ZNF532: variants seen among roughly 807,000 people sequenced by gnomAD.
The protein encoded by ZNF532 is zinc finger protein 532.
A neutral mutation model predicts 89.3 loss-of-function variants in ZNF532; 22 were observed. The observed-to-expected ratio is 0.25, with a 90% CI of 0.18 to 0.35. The LOEUF is 0.35. Ranked by LOEUF, ZNF532 falls within the 10% of genes least tolerant of loss-of-function variation. ZNF532 has a pLI of 1.00. For synonymous variants in ZNF532, 606 were observed against 649.6 expected, an observed-to-expected ratio of 0.93 and a Z score of 1.02; for missense variants, 1,132 against 1,643.4, an observed-to-expected ratio of 0.69 and a Z score of 5.38.
chr18:58,888,761 A>AAT (rs1224613042), intron 2 of ZNF532, among the ~76,000 whole-genome samples: 1 of 9,438 alleles, frequency 1.1e-4, no homozygotes, highest in Non-Finnish European at 3.4e-4. Flanking sequence ...ATATAAAATT[A>AAT]ATATATATAA....
intron 6 of ZNF532, among the ~76,000 whole-genome samples, chr18:58,951,647 T>TGTTTTTTTTTGG (rs1555746490): frequency 3.2e-4 from 9 of 27,736 alleles, no homozygotes; most frequent in African/African-American, 1.0e-3. Context: ...CGCCCTGTTG[T>TGTTTTTTTTTGG]TTTTTTTTTT....
intron 7 of ZNF532, among the ~76,000 whole-genome samples, chr18:58,975,379 G>A (rs948602940): frequency 6.6e-6 from 1 of 152,202 alleles, no homozygotes; most frequent in African/African-American, 2.4e-5. Context: ...ATCTGGGTAT[G>A]AAGTTATGAC....
chr18:58,901,118 G>T (rs1159464425), intron 2 of ZNF532, among the ~76,000 whole-genome samples: 1 of 152,070 alleles, frequency 6.6e-6, no homozygotes, highest in Non-Finnish European at 1.5e-5. Flanking sequence ...GCCGAGATGG[G>T]ACCTTTCCTC....
chr18:58,985,033 T>C lies in ZNF532; in HGVS notation c.*567T>C, dbSNP rs1450897535. 1 of 153,794 alleles carries C rather than the reference T, an allele frequency of 6.5e-6. No individual in the cohort carries two copies. Among genetic ancestry groups the C allele is most frequent in the Admixed American group, 6.4e-5 (1 of 15,638 alleles). 9.5% of individuals were successfully genotyped at this position (153,794 alleles called of 1,614,324 possible). ...CACATTTGAGACAACTGCACTCCAGTGTGGACGTGCCTTTGTCTTCAGGCC... is the reference window on the plus strand; with the variant it reads ...CACATTTGAGACAACTGCACTCCAGCGTGGACGTGCCTTTGTCTTCAGGCC... On this transcript the variant is annotated 3_prime_UTR_variant, in exon 10 of 10. Coordinates refer to ENST00000591808, the MANE Select transcript of ZNF532 (RefSeq NM_001375912.1).
chr18:58,889,437 G>A (rs1355729285), intron 2 of ZNF532, among the ~76,000 whole-genome samples: 3 of 152,194 alleles, frequency 2.0e-5, no homozygotes, highest in Non-Finnish European at 4.4e-5. Flanking sequence ...TAAGAAAACA[G>A]CACTTATATT....
Position 58,941,006 on chromosome 18 carries a change from A to T in ZNF532, c.2705+1385A>T, listed in dbSNP as rs117871910. Among the ~76,000 whole-genome samples the T allele has an allele frequency of 8.9e-5, 13 of 146,272 alleles. No individual in the cohort carries two copies. In the East Asian group the frequency reaches 2.4e-3, roughly 27 times the overall value. ...CTCTCTCTCTCCTGGCTTTTGTTGA[A>T]ACATTTAGTTTTGGGGAAATGTGAT... is the stretch of plus-strand genomic sequence containing the variant. On this transcript the variant is annotated intron_variant, in intron 5 of 9. Coordinates refer to ENST00000591808, the MANE Select transcript of ZNF532 (RefSeq NM_001375912.1).
chr18:58,937,385 T>C (rs966934970), intron 4 of ZNF532, among the ~76,000 whole-genome samples: 3 of 152,238 alleles, frequency 2.0e-5, no homozygotes, highest in Non-Finnish European at 4.4e-5. Context: ...TACCCTGCTT[T>C]CGTTTCTTAC....
intron 3 of ZNF532, among the ~76,000 whole-genome samples, chr18:58,926,037 C>T (rs909141390): frequency 1.3e-5 from 2 of 152,128 alleles, no homozygotes; most frequent in African/African-American, 4.8e-5. Context: ...ATTTATTTTT[C>T]TTTTCCAAAA....
intron 2 of ZNF532, among the ~76,000 whole-genome samples, chr18:58,891,361 C>G (rs1480009835): frequency 6.6e-6 from 1 of 152,162 alleles, no homozygotes; most frequent in Non-Finnish European, 1.5e-5. Context: ...GAAACCCTAT[C>G]TCTACTAAAA....
chr18:58,878,599 T>C (rs1568222418), intron 2 of ZNF532, among the ~76,000 whole-genome samples: 1 of 152,024 alleles, frequency 6.6e-6, no homozygotes. Flanking sequence ...TCACGTGGAG[T>C]GGTGACTAAG....
intron 2 of ZNF532, among the ~76,000 whole-genome samples, chr18:58,916,251 G>A (rs2060592251): frequency 6.6e-6 from 1 of 152,196 alleles, no homozygotes; most frequent in South Asian, 2.1e-4. Flanking sequence ...GGGATTATTT[G>A]TAAGTGGGTG....
chr18:58,891,079 T>C (rs2058863785), intron 2 of ZNF532, among the ~76,000 whole-genome samples: 1 of 152,132 alleles, frequency 6.6e-6, no homozygotes, highest in Admixed American at 6.5e-5. Flanking sequence ...CCACCATGCC[T>C]GGCTAATTTT....
chr18:58,870,324 G>A (rs1231466150), intron 2 of ZNF532, among the ~76,000 whole-genome samples: 2 of 152,174 alleles, frequency 1.3e-5, no homozygotes, highest in South Asian at 2.1e-4. Context: ...AGCTATGATA[G>A]GAATGTGAAT....
At chr18:58,930,424 C>T (rs962110586) in intron 3 of ZNF532, among the ~76,000 whole-genome samples, 6 of 152,008 alleles carry the variant, frequency 3.9e-5, no homozygotes, top group Admixed American at 6.6e-5. Context: ...CTCAGGAGTT[C>T]GAGACCAGCC....
At chr18:58,978,320 T>TA (rs2067289393) in intron 7 of ZNF532, among the ~76,000 whole-genome samples, 1 of 152,178 alleles carries the variant, frequency 6.6e-6, no homozygotes, top group Admixed American at 6.5e-5. Context: ...ATATAATGAA[T>TA]AATTACTTAG....
At chr18:58,953,302 T>C in intron 6 of ZNF532, 1 of 458,540 alleles carries the variant, frequency 2.2e-6, no homozygotes, top group South Asian at 3.9e-5. Context: ...TATAGGCCTT[T>C]AAAAAGCATT....
intron 3 of ZNF532, among the ~76,000 whole-genome samples, chr18:58,933,957 G>T (rs1051464365): frequency 6.6e-6 from 1 of 152,154 alleles, no homozygotes; most frequent in African/African-American, 2.4e-5. Flanking sequence ...TTGCACTCCT[G>T]TATTTCAGAT....
chr18:58,961,758 G>A (rs2065370695), intron 7 of ZNF532, among the ~76,000 whole-genome samples: 2 of 152,208 alleles, frequency 1.3e-5, no homozygotes, highest in Non-Finnish European at 2.9e-5. Context: ...GAGAAGTTGG[G>A]GTTAAGGGGA....
At chr18:58,912,069 G>A (rs1381325070) in intron 2 of ZNF532, among the ~76,000 whole-genome samples, 1 of 152,136 alleles carries the variant, frequency 6.6e-6, no homozygotes, top group Non-Finnish European at 1.5e-5. Context: ...TGAGGGAGGA[G>A]TGTGGAATAA....
Sources: allele counts gnomAD v4.1 joint callset (sites outside exome capture counted in the v4.1 genomes callset), GRCh38; gene constraint gnomAD v4.1.1; transcripts MANE v1.5; gene names NCBI Gene and HGNC (gene_info 2026-07-23, HGNC 2026-07-21).